The following KLF8 variants were observed in gnomAD, a reference collection of about 807,000 sequenced individuals.
KLF8 encodes Krueppel-like factor 8.
Under a neutral mutation model 18.2 loss-of-function variants are expected in KLF8, and 10 were observed. That is an observed-to-expected ratio of 0.55 (90% CI 0.34 to 0.93). The LOEUF (loss-of-function observed/expected upper bound fraction) is 0.93, where lower values mean the gene tolerates loss of function less well. Among genes scored for constraint, KLF8 ranks in the 40% least tolerant of loss-of-function variants. The pLI, the probability that KLF8 is intolerant of heterozygous loss-of-function variation, is 0.02. For synonymous variants in KLF8, 109 were observed against 97.3 expected, an observed-to-expected ratio of 1.12 and a Z score of -0.71; for missense variants, 264 against 277.9, an observed-to-expected ratio of 0.95 and a Z score of 0.36.
chrX:56,178,606 T>TA, the KLF8 span, among the ~76,000 whole-genome samples: 10 of 112,763 alleles, frequency 8.9e-5, no homozygotes, highest in Middle Eastern at 0.014. Flanking sequence ...CTAGGGTTTT[T>TA]ATAGTTTTAG....
the KLF8 span, among the ~76,000 whole-genome samples, chrX:56,190,429 G>A: frequency 9.0e-6 from 1 of 111,456 alleles, no homozygotes; most frequent in Non-Finnish European, 1.9e-5. Context: ...GTTCCAGACA[G>A]GAAATCAACA....
chrX:56,274,133 C>T (rs2067091863), intron 5 of KLF8, among the ~76,000 whole-genome samples: 1 of 111,882 alleles, frequency 8.9e-6, no homozygotes, highest in African/African-American at 3.2e-5. Flanking sequence ...TTTATATTCC[C>T]ACCAACAGTA....
At chrX:56,236,925 G>T (rs764506613) in intron 1 of KLF8, among the ~76,000 whole-genome samples, 79 of 102,222 alleles carry the variant, frequency 7.7e-4, no homozygotes, top group African/African-American at 2.8e-3. Context: ...CAAAGATAAT[G>T]TGAAATCATG....
At chrX:55,930,546 G>C in the KLF8 span, among the ~76,000 whole-genome samples, 3 of 111,915 alleles carry the variant, frequency 2.7e-5, no homozygotes, top group Non-Finnish European at 5.6e-5. Flanking sequence ...GTATTATTTT[G>C]AGATACGTTC....
At chrX:56,244,374 G>T (rs912142761) in intron 1 of KLF8, among the ~76,000 whole-genome samples, 85 of 110,956 alleles carry the variant, frequency 7.7e-4, no homozygotes, top group African/African-American at 2.6e-3. Context: ...TTTTGGTAGA[G>T]ATGGGGTCTC....
chrX:56,089,876 C>T, the KLF8 span, among the ~76,000 whole-genome samples: 2 of 112,283 alleles, frequency 1.8e-5, no homozygotes, highest in African/African-American at 6.5e-5. Context: ...AGAAAAATTT[C>T]CTTATATTCT....
chrX:55,959,826 G>A, the KLF8 span, among the ~76,000 whole-genome samples: 8 of 111,135 alleles, frequency 7.2e-5, no homozygotes, highest in African/African-American at 2.0e-4. Context: ...TTCAGGATAC[G>A]GTGCATGAAA....
At chrX:55,916,442 A>G in the KLF8 span, among the ~76,000 whole-genome samples, 4 of 111,824 alleles carry the variant, frequency 3.6e-5, no homozygotes, top group African/African-American at 9.7e-5. Context: ...CTACTACTGT[A>G]TAAAGCAATT....
chrX:56,185,268 G>C, the KLF8 span, among the ~76,000 whole-genome samples: 2 of 112,053 alleles, frequency 1.8e-5, no homozygotes, highest in Non-Finnish European at 3.8e-5. Flanking sequence ...GGAAGAAAGG[G>C]TGTCAGTGAT....
the KLF8 span, among the ~76,000 whole-genome samples, chrX:56,194,157 G>T: frequency 9.0e-6 from 1 of 111,239 alleles, no homozygotes; most frequent in African/African-American, 3.3e-5. Context: ...CAAAGCAGAA[G>T]ATGGGTGATT....
chrX:56,096,317 G>T, the KLF8 span, among the ~76,000 whole-genome samples: 1 of 110,863 alleles, frequency 9.0e-6, no homozygotes, highest in African/African-American at 3.3e-5. Flanking sequence ...GAGGCATGAG[G>T]GTTGAAAAAT....
the KLF8 span, among the ~76,000 whole-genome samples, chrX:56,201,824 G>A: frequency 9.0e-6 from 1 of 111,613 alleles, no homozygotes; most frequent in Non-Finnish European, 1.9e-5. Flanking sequence ...CAAAAACCCA[G>A]TAGCCTAAAT....
chrX:56,135,843 G>A, the KLF8 span, among the ~76,000 whole-genome samples: 1 of 111,526 alleles, frequency 9.0e-6, no homozygotes, highest in East Asian at 2.8e-4. Flanking sequence ...TAACATACCA[G>A]AATCTCTTGG....
the KLF8 span, among the ~76,000 whole-genome samples, chrX:56,202,184 C>A: frequency 1.8e-5 from 2 of 110,830 alleles, no homozygotes; most frequent in African/African-American, 3.3e-5. Flanking sequence ...GAGCTACAAA[C>A]TGACTTTTGA....
the KLF8 span, among the ~76,000 whole-genome samples, chrX:55,974,665 A>C: frequency 8.9e-6 from 1 of 112,450 alleles, no homozygotes; most frequent in Admixed American, 9.4e-5. Context: ...TTATTACCAC[A>C]TATTATGTGC....
chrX:56,081,297 A>G, the KLF8 span, among the ~76,000 whole-genome samples: 2 of 111,156 alleles, frequency 1.8e-5, no homozygotes, highest in Admixed American at 1.9e-4. Flanking sequence ...TTGGTCTTTG[A>G]TGATGGTGAT....
chrX:56,226,928 T>C, the KLF8 span, among the ~76,000 whole-genome samples: 1 of 112,405 alleles, frequency 8.9e-6, no homozygotes, highest in East Asian at 2.8e-4. Context: ...ACTACCACAA[T>C]GCAAGGCCAT....
chrX:55,984,730 A>G, the KLF8 span, among the ~76,000 whole-genome samples: 1 of 111,432 alleles, frequency 9.0e-6, no homozygotes, highest in African/African-American at 3.3e-5. Flanking sequence ...GAACTAATTT[A>G]CATTCCCACC....
intron 2 of KLF8, among the ~76,000 whole-genome samples, chrX:56,257,205 G>A (rs772565522): frequency 2.1e-4 from 23 of 111,271 alleles, no homozygotes; most frequent in Admixed American, 1.8e-3. Context: ...GTCTTAAGGT[G>A]TGTTTTGTCA....
Sources: gnomAD v4.1 joint callset for allele counts (sites outside exome capture counted in the v4.1 genomes callset) on GRCh38, gnomAD v4.1.1 for gene constraint, MANE v1.5 for transcripts, NCBI Gene and HGNC (gene_info 2026-07-23, HGNC 2026-07-21) for gene names.